The following FAM133A variants were observed in gnomAD, a reference collection of about 807,000 sequenced individuals.
The protein encoded by FAM133A is family with sequence similarity 133 member A.
For synonymous variants in FAM133A, 65 were observed against 58.6 expected (o/e 1.11, Z -0.50); for missense variants, 159 against 164.4 (o/e 0.97, Z 0.18).
At chrX:93,706,014 C>T (rs1376469132) in intron 3 of FAM133A, among the ~76,000 whole-genome samples, 1 of 111,817 alleles carries the variant, frequency 8.9e-6, no homozygotes, top group Non-Finnish European at 1.9e-5. Flanking sequence ...TCTTTTAACC[C>T]ACTGTCACCT....
chrX:93,697,183 A>ATATATAT (rs1374245072), intron 2 of FAM133A, among the ~76,000 whole-genome samples: 5 of 76,093 alleles, frequency 6.6e-5, no homozygotes, highest in African/African-American at 2.0e-4. Flanking sequence ...ATATATATAT[A>ATATATAT]TATATATAAT....
At chrX:93,701,153 A>G (rs1335441968) in intron 3 of FAM133A, among the ~76,000 whole-genome samples, 2 of 111,912 alleles carry the variant, frequency 1.8e-5, no homozygotes, top group African/African-American at 6.5e-5. Context: ...ATGGTCCTCT[A>G]CTATAAAATA....
chrX:93,698,517 C>T (rs1926466871), intron 3 of FAM133A, 32 bp downstream of exon 3: 1 of 111,791 alleles, frequency 8.9e-6, no homozygotes, highest in African/African-American at 3.3e-5. Flanking sequence ...GAGTGATCCA[C>T]TCTGTCAAAT....
chrX:93,688,346 T>C (rs1925675931), intron 2 of FAM133A, among the ~76,000 whole-genome samples: 1 of 111,228 alleles, frequency 9.0e-6, no homozygotes, highest in South Asian at 3.8e-4. Context: ...TTATCTTTTC[T>C]AAGACTTAGC....
intron 2 of FAM133A, among the ~76,000 whole-genome samples, chrX:93,693,919 A>T (rs1162263469): frequency 1.8e-5 from 2 of 111,960 alleles, no homozygotes; most frequent in Non-Finnish European, 3.8e-5. Flanking sequence ...ATAATAGATT[A>T]TGAATATAAT....
At chrX:93,679,524 C>T (rs1302532740) in intron 2 of FAM133A, among the ~76,000 whole-genome samples, 2 of 110,481 alleles carry the variant, frequency 1.8e-5, no homozygotes, top group Non-Finnish European at 3.8e-5. Context: ...AAAATTGTTT[C>T]CCAATTTGGA....
intron 2 of FAM133A, among the ~76,000 whole-genome samples, chrX:93,679,377 A>G (rs182163968): frequency 5.7e-4 from 64 of 111,619 alleles, no homozygotes; most frequent in African/African-American, 2.0e-3. Flanking sequence ...TAATACAGAT[A>G]TACTCAAATT....
intron 3 of FAM133A, among the ~76,000 whole-genome samples, chrX:93,703,008 C>G (rs144618315): frequency 0.014 from 1,559 of 109,734 alleles, 29 homozygotes; most frequent in African/African-American, 0.049. Context: ...GGTGACATGG[C>G]GAAACCCTGT....
Position 93,710,541 on chromosome X carries a change from G to T in FAM133A, c.*375G>T, listed in dbSNP as rs1927379801. 1 of 141,818 alleles carries T rather than the reference G, an allele frequency of 7.1e-6. No individual in the cohort carries two copies. Among genetic ancestry groups the T allele is most frequent in the African/African-American group, 3.2e-5 (1 of 31,641 alleles). The allele number at this position is 141,818 out of a possible 1,213,427, so 11.7% of individuals were successfully genotyped here. On this transcript the variant is annotated 3_prime_UTR_variant, in exon 4 of 4. Transcript: ENST00000683942. ...GACAATTGTAGTTGGTATTTTTGAT[G>T]CAAGGACTTAATATTGATGTCTCAA...
rs1925782301 is a variant in FAM133A at position 93,689,902 on chromosome X, C to T, written c.-192-8495C>T. Among the ~76,000 whole-genome samples, 9 of 111,045 alleles carry T rather than the reference C, an allele frequency of 8.1e-5. No homozygotes were observed. In the Admixed American group the frequency reaches 8.7e-4, roughly 11 times the overall value. ...TAAGATAAGGAGACTGAAAACAACA[C>T]TGAAGTTGTGAGAAACATAGGAAAA... On this transcript the variant is annotated intron_variant, in intron 2 of 3. Transcript: ENST00000683942.
At chrX:93,687,448 A>G (rs1925608538) in intron 2 of FAM133A, among the ~76,000 whole-genome samples, 1 of 111,458 alleles carries the variant, frequency 9.0e-6, no homozygotes. Context: ...AAATTTATCC[A>G]TGTAACCAAA....
At chrX:93,687,007 T>C in intron 2 of FAM133A, among the ~76,000 whole-genome samples, 1 of 112,501 alleles carries the variant, frequency 8.9e-6, no homozygotes, top group Non-Finnish European at 1.9e-5. Context: ...TCCCACTGCC[T>C]GCAATGCTTT....
intron 3 of FAM133A, among the ~76,000 whole-genome samples, chrX:93,700,681 C>G (rs1041285527): frequency 9.0e-5 from 10 of 111,359 alleles, no homozygotes; most frequent in African/African-American, 3.3e-4. Flanking sequence ...AACAAATATA[C>G]TCTGGCCTTT....
intron 2 of FAM133A, among the ~76,000 whole-genome samples, chrX:93,685,037 A>C (rs1320471625): frequency 8.9e-6 from 1 of 111,867 alleles, no homozygotes; most frequent in Non-Finnish European, 1.9e-5. Context: ...TTCTTTCCAA[A>C]AAGCATGGTA....
At chrX:93,678,309 A>G (rs1924864373) in intron 2 of FAM133A, among the ~76,000 whole-genome samples, 1 of 111,512 alleles carries the variant, frequency 9.0e-6, no homozygotes, top group South Asian at 3.7e-4. Context: ...TTTCTCTCAG[A>G]CTGCATATTT....
intron 2 of FAM133A, among the ~76,000 whole-genome samples, chrX:93,687,307 G>A (rs1382249236): frequency 9.0e-6 from 1 of 110,854 alleles, no homozygotes; most frequent in Non-Finnish European, 1.9e-5. Context: ...AAAGGCATAA[G>A]AATGATATAA....
chrX:93,697,750 T>C (rs1269025139), intron 2 of FAM133A, among the ~76,000 whole-genome samples: 1 of 111,750 alleles, frequency 8.9e-6, no homozygotes, highest in Admixed American at 9.5e-5. Context: ...AAGATGCCCA[T>C]GGTCATGGGA....
chrX:93,710,061 G>A lies in FAM133A; in HGVS notation c.642G>A (p.Glu214=), dbSNP rs752226811. 4.2e-6 allele frequency: 5 copies of A among 1,197,745 alleles called. No homozygotes were observed. Among genetic ancestry groups the A allele is most frequent in the Middle Eastern group, 2.4e-4 (1 of 4,193 alleles). Residue 214 remains glutamate, a synonymous_variant, in exon 4 of 4, where the codon GAG becomes GAA. Transcript: ENST00000683942. ...VQAKKKRRCE[E]REQAKEKVKK... ...CAAAAAAGAAGAGAAGGTGTGAAGA[G>A]CGAGAACAAGCAAAGGAAAAAGTAA...
intron 2 of FAM133A, among the ~76,000 whole-genome samples, chrX:93,683,621 T>G (rs970000146): frequency 8.9e-6 from 1 of 112,068 alleles, no homozygotes; most frequent in African/African-American, 3.2e-5. Context: ...GCTGTACTAG[T>G]TCACTACTTA....
Sources: allele counts gnomAD v4.1 joint callset (sites outside exome capture counted in the v4.1 genomes callset), GRCh38; gene constraint gnomAD v4.1.1; transcripts MANE v1.5; gene names NCBI Gene and HGNC (gene_info 2026-07-23, HGNC 2026-07-21).